Variants in RGS22 observed in about 807,000 individuals in gnomAD.
RGS22 encodes regulator of G-protein signaling 22.
A neutral mutation model predicts 172.9 loss-of-function variants in RGS22; 148 were observed. The ratio of observed to expected loss-of-function variants is 0.86; its 90% CI spans 0.75 to 0.98. RGS22 has a LOEUF of 0.98. Among genes scored for constraint, RGS22 ranks in the 50% least tolerant of loss-of-function variants. RGS22 has a pLI of 0.00. For synonymous variants in RGS22, 458 were observed against 480.2 expected (o/e 0.95, Z 0.60); for missense variants, 1,347 against 1,440.8 (o/e 0.93, Z 1.05).
At position 100,101,584 on chromosome 8, in the gene RGS22, C is replaced by T. The variant is rs535322920; in HGVS notation, c.54+3790G>A. ...CTGAGATTACAAGCATGAGCCACTGCGCCCAGCCCTAAATTTTAATGTGTA... is the reference window on the plus strand; with the variant it reads ...CTGAGATTACAAGCATGAGCCACTGTGCCCAGCCCTAAATTTTAATGTGTA... On this transcript the variant is annotated intron_variant, in intron 2 of 27. Coordinates refer to ENST00000360863, the MANE Select transcript of RGS22 (RefSeq NM_015668.5). 5.3e-5 allele frequency among the ~76,000 whole-genome samples: 8 copies of T among 151,430 alleles called. No individual in the cohort carries two copies. The South Asian group carries it at 6.3e-4, about 12-fold the overall frequency.
chr8:100,028,154 T>C (rs1015108325), intron 14 of RGS22, among the ~76,000 whole-genome samples: 1 of 152,166 alleles, frequency 6.6e-6, no homozygotes, highest in African/African-American at 2.4e-5. Context: ...CCCACACTTC[T>C]TGGTTTATCC....
intron 3 of RGS22, among the ~76,000 whole-genome samples, chr8:100,089,349 T>C (rs1812397232): frequency 6.6e-6 from 1 of 152,144 alleles, no homozygotes. Flanking sequence ...CTTCTTATGG[T>C]GAGTGAAAAT....
At chr8:100,026,773 A>C (rs915137907) in intron 14 of RGS22, among the ~76,000 whole-genome samples, 17 of 152,380 alleles carry the variant, frequency 1.1e-4, no homozygotes, top group African/African-American at 4.1e-4. Flanking sequence ...AAGAAGCATA[A>C]GACTAAAGGA....
intron 22 of RGS22, among the ~76,000 whole-genome samples, chr8:99,979,068 G>A (rs1812270892): frequency 6.6e-6 from 1 of 152,128 alleles, no homozygotes; most frequent in African/African-American, 2.4e-5. Flanking sequence ...GAGTGTAAAT[G>A]TAAAATCTAG....
Position 100,008,470 on chromosome 8 carries a change from C to A in RGS22, c.2266G>T (p.Glu756Ter). 1.2e-6 allele frequency: 2 copies of A among 1,613,678 alleles called. No individual in the cohort carries two copies. The change falls in exon 15 of 28, where the codon GAA becomes TAA. Residue 756 changes from glutamate (E) to a stop codon, truncating the protein, a stop_gained. Transcript: ENST00000360863. LOFTEE classifies it high-confidence loss of function. ...EIYMKIQPPF[E>*]DLFDTAEEYI... Reference sequence around the variant, plus strand: ...TCCTCTGCTGTGTCAAAAAGGTCTTCAAATGGTGGCTGTATTTTCATATAA... The same window carrying A: ...TCCTCTGCTGTGTCAAAAAGGTCTTAAAATGGTGGCTGTATTTTCATATAA...
chr8:100,005,500 T>A (rs1286603313), intron 16 of RGS22, among the ~76,000 whole-genome samples: 3 of 152,160 alleles, frequency 2.0e-5, no homozygotes, highest in Non-Finnish European at 4.4e-5. Flanking sequence ...ACTTAGCCAA[T>A]CCAAAAGATT....
In RGS22 at chr8:100,051,456, T is replaced by TTA. The variant is rs1491333377; in HGVS notation, c.1689+1344_1689+1345dup. 2.6e-5 allele frequency among the ~76,000 whole-genome samples: 3 copies of TTA among 113,782 alleles called. No homozygotes were observed. In the East Asian group the frequency reaches 7.3e-4, roughly 28 times the overall value. The allele number at this position is 113,782 out of a possible 152,430, so 74.6% of individuals were successfully genotyped here. The stretch of plus-strand genomic sequence containing the variant: ...TATTTATATATTTATTTATATTATA[T>TTA]TATATATAAATATATATTATATATA... On this transcript the variant is annotated intron_variant, in intron 10 of 27. Transcript: ENST00000360863.
In RGS22 at chr8:100,080,329, A is replaced by T; in HGVS notation, c.144T>A (p.Asn48Lys). ...CTACTTCAAAAACTCCATAATCTGC[A>T]TTAAATCTAATTGCCTCTGAAAAGG... ...LPTFSEAIRF[N>K]ADYGVFEVAN... The change falls in exon 4 of 28, where the codon AAT becomes AAA. Residue 48 changes from asparagine (N) to lysine (K), a missense_variant. Transcript: ENST00000360863. 1.9e-6 allele frequency: 3 copies of T among 1,612,270 alleles called. No homozygotes were observed. The highest frequency in any genetic ancestry group is 2.5e-6 in the Non-Finnish European group (3 of 1,178,982).
intron 2 of RGS22, among the ~76,000 whole-genome samples, chr8:100,097,082 T>C (rs987777786): frequency 3.3e-5 from 5 of 152,098 alleles, no homozygotes; most frequent in Non-Finnish European, 7.3e-5. Flanking sequence ...GGGGCAATAA[T>C]GCTGAGGACA....
intron 2 of RGS22, among the ~76,000 whole-genome samples, chr8:100,097,652 C>G (rs1449743701): frequency 6.6e-6 from 1 of 152,162 alleles, no homozygotes; most frequent in East Asian, 1.9e-4. Context: ...GGCTTCTTAG[C>G]CTTCTGTGTA....
intron 21 of RGS22, 57 bp downstream of exon 21, chr8:99,987,401 A>AT: frequency 7.4e-7 from 1 of 1,349,726 alleles, no homozygotes; most frequent in Non-Finnish European, 1.0e-6. Flanking sequence ...AAAATCTGAC[A>AT]TTTTAATGCA....
chr8:100,009,083 A>G (rs375244655), intron 14 of RGS22, among the ~76,000 whole-genome samples: 4 of 152,174 alleles, frequency 2.6e-5, no homozygotes, highest in South Asian at 2.1e-4. Flanking sequence ...AAGTCTTTCC[A>G]TCTGGTATCC....
chr8:99,964,204 G>A (rs778512596), intron 24 of RGS22, among the ~76,000 whole-genome samples: 4 of 152,122 alleles, frequency 2.6e-5, no homozygotes, highest in South Asian at 4.1e-4. Flanking sequence ...TGTAATCCTA[G>A]CACTTTGGAA....
chr8:99,966,944 A>C (rs1010788947), intron 23 of RGS22, among the ~76,000 whole-genome samples: 111 of 152,244 alleles, frequency 7.3e-4, no homozygotes, highest in African/African-American at 2.5e-3. Flanking sequence ...AAGATGGCTG[A>C]ATAGGAACAG....
chr8:99,976,385 G>A (rs1287029654), intron 23 of RGS22, among the ~76,000 whole-genome samples: 1 of 151,656 alleles, frequency 6.6e-6, no homozygotes, highest in African/African-American at 2.4e-5. Context: ...TTTTTGAGAC[G>A]GAGTCTTGCT....
chr8:100,040,882 C>T (rs1400707684), intron 12 of RGS22, among the ~76,000 whole-genome samples: 1 of 152,114 alleles, frequency 6.6e-6, no homozygotes, highest in African/African-American at 2.4e-5. Flanking sequence ...CTCCACCTCT[C>T]TATCTGCCTG....
intron 3 of RGS22, among the ~76,000 whole-genome samples, chr8:100,091,619 T>C (rs905186853): frequency 6.6e-6 from 1 of 152,230 alleles, no homozygotes; most frequent in African/African-American, 2.4e-5. Context: ...AGAGAATTTA[T>C]TTCTTTTCCA....
intron 2 of RGS22, among the ~76,000 whole-genome samples, chr8:100,100,034 G>A (rs1468118674): frequency 6.6e-6 from 1 of 152,094 alleles, no homozygotes; most frequent in Non-Finnish European, 1.5e-5. Flanking sequence ...TGTTTAGGAG[G>A]ACTGGAATTA....
chr8:99,996,046 G>A (rs543364943), intron 20 of RGS22, among the ~76,000 whole-genome samples: 5 of 138,716 alleles, frequency 3.6e-5, no homozygotes, highest in African/African-American at 1.3e-4. Flanking sequence ...TCACTCATAG[G>A]TAGGAATTGA....
Sources: gnomAD v4.1 joint callset for allele counts (sites outside exome capture counted in the v4.1 genomes callset) on GRCh38, gnomAD v4.1.1 for gene constraint, MANE v1.5 for transcripts, NCBI Gene and HGNC (gene_info 2026-07-23, HGNC 2026-07-21) for gene names.